Variants in DUS2 observed in about 807,000 individuals in gnomAD.
The protein encoded by DUS2 is tRNA-dihydrouridine(20) synthase [NAD(P)+]-like.
DUS2 carries 52 observed loss-of-function variants against 71.3 expected under a neutral mutation model. The ratio of observed to expected loss-of-function variants is 0.73; its 90% CI spans 0.58 to 0.92. The LOEUF is 0.92. DUS2 is among the 40% of genes least tolerant of loss of function. DUS2 has a pLI of 0.00. For synonymous variants in DUS2, 204 were observed against 227.8 expected, an observed-to-expected ratio of 0.90 and a Z score of 0.94; for missense variants, 558 against 622.6, an observed-to-expected ratio of 0.90 and a Z score of 1.10.
intron 2 of DUS2, among the ~76,000 whole-genome samples, chr16:68,029,875 G>C (rs986834955): frequency 5.9e-5 from 9 of 151,458 alleles, no homozygotes; most frequent in African/African-American, 1.9e-4. Flanking sequence ...GGCTGAGGCA[G>C]GTGGAGTACC....
Position 68,079,027 on chromosome 16 carries a change from C to G in DUS2, c.*41C>G. On this transcript the variant is annotated 3_prime_UTR_variant, in exon 17 of 17. Coordinates refer to ENST00000565263, the MANE Select transcript of DUS2 (RefSeq NM_017803.5). ...TAGTCACCCCTCCATGGGCCTGGTG[C>G]TAAGGTGGCTGTGGATGCCACAGCA... 2 of 1,487,248 alleles carry G rather than the reference C, an allele frequency of 1.3e-6. No homozygotes were observed. Among genetic ancestry groups the G allele is most frequent in the Non-Finnish European group, 1.8e-6 (2 of 1,108,280 alleles). 92.1% of individuals were successfully genotyped at this position (1,487,248 alleles called of 1,614,324 possible). A position where few individuals can be genotyped will look rare whatever the true frequency, so the allele number is the denominator to read the frequency against.
At chr16:68,061,309 G>C (rs926840666) in intron 8 of DUS2, among the ~76,000 whole-genome samples, 196 bp downstream of exon 8, 1 of 152,198 alleles carries the variant, frequency 6.6e-6, no homozygotes, top group South Asian at 2.1e-4. Context: ...CCAGCCTACA[G>C]CAGCCTTGAT....
chr16:68,076,816 C>T lies in DUS2; in HGVS notation c.1170+97C>T, dbSNP rs971896134. 3.8e-6 allele frequency: 4 copies of T among 1,050,178 alleles called. No individual in the cohort carries two copies. The African/African-American group carries it at 4.8e-5, about 13-fold the overall frequency. 65.1% of individuals were successfully genotyped at this position (1,050,178 alleles called of 1,614,324 possible). On this transcript the variant is annotated intron_variant, in intron 15 of 16. Coordinates refer to ENST00000565263, the MANE Select transcript of DUS2 (RefSeq NM_017803.5). ...TTGCCAGGCTGGAGCCTGGCCTTGA[C>T]CTCTGTAGGCATGGAGAAGCTGCTG...
chr16:68,027,900 G>C (rs1022918838), intron 2 of DUS2, among the ~76,000 whole-genome samples: 2 of 152,164 alleles, frequency 1.3e-5, no homozygotes, highest in South Asian at 4.1e-4. Flanking sequence ...GAGAGAGCAG[G>C]CCAGGCTGGG....
intron 1 of DUS2, 21 bp downstream of exon 1, chr16:68,023,372 G>A (rs1044545517): frequency 1.8e-5 from 15 of 818,692 alleles, no homozygotes; most frequent in Non-Finnish European, 2.6e-5. Flanking sequence ...CCGAATAGGG[G>A]ATGGCGACAT....
At chr16:68,029,601 C>G (rs1357964375) in intron 2 of DUS2, among the ~76,000 whole-genome samples, 1 of 151,974 alleles carries the variant, frequency 6.6e-6, no homozygotes, top group Admixed American at 6.6e-5. Context: ...CCTGCACCAC[C>G]ATACCCGGCT....
At position 68,023,336 on chromosome 16, in the gene DUS2, A is replaced by G. The variant is rs2033289404; in HGVS notation, c.-114A>G. On this transcript the variant is annotated 5_prime_UTR_variant, in exon 1 of 17. Transcript: ENST00000565263. The stretch of plus-strand genomic sequence containing the variant: ...TGAGGAAGAAGCGAGGTTCTTTTTA[A>G]GAGTTCAGCTGCGAGGTCTGTAGCT... 1 of 1,123,048 alleles carries G rather than the reference A, an allele frequency of 8.9e-7. No individual in the cohort carries two copies. The highest frequency in any genetic ancestry group is 3.0e-4 in the Middle Eastern group (1 of 3,332). 69.6% of individuals were successfully genotyped at this position (1,123,048 alleles called of 1,614,324 possible).
chr16:68,051,375 G>A (rs1013527891), intron 4 of DUS2, among the ~76,000 whole-genome samples: 1 of 152,128 alleles, frequency 6.6e-6, no homozygotes, highest in African/African-American at 2.4e-5. Flanking sequence ...TTTGTTTTAT[G>A]TGTGTTTCTT....
chr16:68,033,523 C>T (rs1227847830), intron 2 of DUS2, among the ~76,000 whole-genome samples: 1 of 151,712 alleles, frequency 6.6e-6, no homozygotes, highest in African/African-American at 2.4e-5. Context: ...CTTGCTCTGT[C>T]ACCCAGGTTG....
At chr16:68,031,507 G>C (rs1935098753) in intron 2 of DUS2, among the ~76,000 whole-genome samples, 1 of 151,980 alleles carries the variant, frequency 6.6e-6, no homozygotes, top group South Asian at 2.1e-4. Context: ...CTCCCTTTCT[G>C]CCAATAAAAG....
In DUS2 at chr16:68,071,186, C is replaced by A. The variant is rs941552933; in HGVS notation, c.810+78C>A. 4.0e-6 allele frequency: 6 copies of A among 1,509,706 alleles called. No individual in the cohort carries two copies. The Admixed American group carries it at 7.0e-5, about 18-fold the overall frequency. The allele number at this position is 1,509,706 out of a possible 1,614,324, so 93.5% of individuals were successfully genotyped here. A position where few individuals can be genotyped will look rare whatever the true frequency, so the allele number is the denominator to read the frequency against. ...CTGCAGAGAGCACTTTGTGTGAGCC[C>A]CCAGCTGCCAGCTGTGCTTGCTGTT... is the stretch of plus-strand genomic sequence containing the variant. On this transcript the variant is annotated intron_variant, in intron 12 of 16. Transcript: ENST00000565263.
intron 10 of DUS2, among the ~76,000 whole-genome samples, chr16:68,067,667 G>A (rs1308901414): frequency 6.6e-6 from 1 of 151,606 alleles, no homozygotes; most frequent in African/African-American, 2.4e-5. Flanking sequence ...TTTCATTGTT[G>A]TTGTTGTTTT....
chr16:68,044,396 C>CTTTT (rs1001911267), intron 3 of DUS2, among the ~76,000 whole-genome samples: 1 of 135,554 alleles, frequency 7.4e-6, no homozygotes, highest in Non-Finnish European at 1.6e-5. Flanking sequence ...TCTTTAATTT[C>CTTTT]TTTTTTTTTT....
At chr16:68,051,347 A>T (rs1048017937) in intron 4 of DUS2, among the ~76,000 whole-genome samples, 3 of 152,202 alleles carry the variant, frequency 2.0e-5, no homozygotes, top group African/African-American at 4.8e-5. Flanking sequence ...TATTTTCATC[A>T]ACTTGTCAGT....
At chr16:68,031,300 G>C (rs528908958) in intron 2 of DUS2, among the ~76,000 whole-genome samples, 2 of 152,182 alleles carry the variant, frequency 1.3e-5, no homozygotes, top group East Asian at 3.9e-4. Context: ...GAGTAGCTGC[G>C]ACTACAGGCA....
At position 68,074,110 on chromosome 16, in the gene DUS2, C is replaced by T; in HGVS notation, c.887C>T (p.Pro296Leu). ...CQMLREQLES[P>L]QGRLLHAAQS... is the part of the protein sequence containing the mutation. ...ATGCTACGAGAACAGCTGGAGTCGC[C>T]CCAGGGAAGGTTGCTCCATGCTGCC... The change falls in exon 13 of 17, where the codon CCC becomes CTC. Residue 296 changes from proline to leucine, a missense_variant. Physicochemically the swap from Pro to Leu is moderately conservative, Grantham distance 98. Coordinates refer to ENST00000565263, the MANE Select transcript of DUS2 (RefSeq NM_017803.5). The T allele has an allele frequency of 6.2e-7, 1 of 1,614,164 alleles. No homozygotes were observed. Among genetic ancestry groups the T allele is most frequent in the African/African-American group, 1.3e-5 (1 of 75,038 alleles).
Position 68,024,020 on chromosome 16 carries a change from T to C in DUS2, c.-99+669T>C, listed in dbSNP as rs530897063. Reference sequence around the variant, plus strand: ...AAGTGATCAAGTACGTGGCTTATCATGTAGCCCTGGTCAGGCAGAATATTT... The same window carrying C: ...AAGTGATCAAGTACGTGGCTTATCACGTAGCCCTGGTCAGGCAGAATATTT... On this transcript the variant is annotated intron_variant, in intron 1 of 16. Coordinates refer to ENST00000565263, the MANE Select transcript of DUS2 (RefSeq NM_017803.5). 3 of 166,122 alleles carry C rather than the reference T, an allele frequency of 1.8e-5. No homozygotes were observed. In the East Asian group the frequency reaches 5.8e-4, roughly 32 times the overall value. 10.3% of individuals were successfully genotyped at this position (166,122 alleles called of 1,614,324 possible). A position where few individuals can be genotyped will look rare whatever the true frequency, so the allele number is the denominator to read the frequency against.
In DUS2 at chr16:68,023,332, T is replaced by C. The variant is rs1404545670; in HGVS notation, c.-118T>C. ...ACCGTGAGGAAGAAGCGAGGTTCTT[T>C]TTAAGAGTTCAGCTGCGAGGTCTGT... On this transcript the variant is annotated 5_prime_UTR_variant, in exon 1 of 17. Coordinates refer to ENST00000565263, the MANE Select transcript of DUS2 (RefSeq NM_017803.5). The C allele has an allele frequency of 9.5e-6, 11 of 1,162,340 alleles. No homozygotes were observed. The highest frequency in any genetic ancestry group is 1.2e-5 in the Non-Finnish European group (10 of 837,588). The allele number at this position is 1,162,340 out of a possible 1,614,324, so 72.0% of individuals were successfully genotyped here.
intron 13 of DUS2, among the ~76,000 whole-genome samples, chr16:68,075,020 C>T (rs1248186632): frequency 6.6e-6 from 1 of 152,150 alleles, no homozygotes; most frequent in Non-Finnish European, 1.5e-5. Context: ...TGTGCTTGAT[C>T]AGCATTGGTT....
Sources: gnomAD v4.1 joint callset for allele counts (sites outside exome capture counted in the v4.1 genomes callset) on GRCh38, gnomAD v4.1.1 for gene constraint, MANE v1.5 for transcripts, NCBI Gene and HGNC (gene_info 2026-07-23, HGNC 2026-07-21) for gene names.